JAG2: variants seen among roughly 807,000 people sequenced by gnomAD.
The protein encoded by JAG2 is protein jagged-2.
Under a neutral mutation model 141.7 loss-of-function variants are expected in JAG2, and 46 were observed. That is an observed-to-expected ratio of 0.32 (90% confidence interval 0.26 to 0.42). The LOEUF (loss-of-function observed/expected upper bound fraction) is 0.42. Ranked by LOEUF, JAG2 falls within the 10% of genes least tolerant of loss-of-function variation. The pLI is 1.00. For missense variants in JAG2, 1,500 were observed against 1,817.5 expected, an observed-to-expected ratio of 0.83 and a Z score of 3.18; for synonymous variants, 862 against 763.5, an observed-to-expected ratio of 1.13 and a Z score of -2.13.
At position 105,147,078 on chromosome 14, in the gene JAG2, A is replaced by G. The variant is rs1595174203; in HGVS notation, c.2479+248T>C. ...GAGCCCACGTCAGGCTGCACGCTCC[A>G]ACCCCCACAGCTCCCTGGGCCCCGG... On this transcript the variant is annotated intron_variant, in intron 20 of 25. Coordinates refer to ENST00000331782, the MANE Select transcript of JAG2 (RefSeq NM_002226.5). 1.3e-5 allele frequency: 8 copies of G among 608,874 alleles called. No homozygotes were observed. The East Asian group carries it at 1.9e-4, about 15-fold the overall frequency. 37.7% of individuals were successfully genotyped at this position (608,874 alleles called of 1,614,324 possible).
In JAG2 at chr14:105,151,164, G is replaced by T. The variant is rs1035420737; in HGVS notation, c.1268-60C>A. On this transcript the variant is annotated intron_variant, in intron 9 of 25. Transcript: ENST00000331782. ...GGGCCCTGCCTGCCCCCTGCAGCAC[G>T]GGCACCTGGCACCCGCAGCCCAGCA... is the stretch of plus-strand genomic sequence containing the variant. 2.0e-6 allele frequency: 3 copies of T among 1,535,170 alleles called. No individual in the cohort carries two copies. In the South Asian group the frequency reaches 3.5e-5, roughly 18 times the overall value.
intron 2 of JAG2, among the ~76,000 whole-genome samples, chr14:105,164,913 C>T (rs1301763168): frequency 6.6e-6 from 1 of 152,104 alleles, no homozygotes; most frequent in South Asian, 2.1e-4. Context: ...AGCTGATAGA[C>T]GCAGGGTCAG....
intron 24 of JAG2, 78 bp from the exon 25 acceptor site, chr14:105,143,716 T>C (rs1595171313): frequency 6.4e-7 from 1 of 1,552,286 alleles, no homozygotes; most frequent in East Asian, 2.3e-5. Context: ...ACTGAGGCCC[T>C]GGCCACACTG....
rs148372480 is a variant in JAG2 at position 105,152,282 on chromosome 14, G to A, written c.798C>T (p.Tyr266=). The change falls in exon 6 of 26, where the codon TAC becomes TAT. Residue 266 remains tyrosine (Y), a synonymous_variant. Transcript: ENST00000331782. ...CATCGCAGAACCTCCCTTGCCAGCCGTAGCTGCACCTGGGGGAAGGAGGAG... is the reference window on the plus strand; with the variant it reads ...CATCGCAGAACCTCCCTTGCCAGCCATAGCTGCACCTGGGGGAAGGAGGAG... ...CTVPGECRCS[Y]GWQGRFCDEC... The A allele has an allele frequency of 6.6e-5, 106 of 1,613,126 alleles. 1 individual carries two copies. In the South Asian group the frequency reaches 9.7e-4, roughly 15 times the overall value.
rs1238179652 is a variant in JAG2 at position 105,143,575 on chromosome 14, C to A, written c.3148G>T (p.Val1050Leu). Residue 1050 changes from valine (V) to leucine (L), a missense_variant, in exon 25 of 26, where the codon GTG becomes TTG. Val to Leu is a conservative substitution (Grantham distance 32, BLOSUM62 1). Around this residue, in one of 3 missense-constraint regions of JAG2, gnomAD observed 425 missense variants for 441.0 expected, o/e 0.96. Transcript: ENST00000331782. ...SLIQGAAHAI[V>L]AAITQRGNSS... is the part of the protein sequence containing the mutation. Reference sequence around the variant, plus strand: ...TTCCCCCGCTGGGTGATGGCGGCCACGATGGCGTGGGCCGCGCCCTGGATC... The same window carrying A: ...TTCCCCCGCTGGGTGATGGCGGCCAAGATGGCGTGGGCCGCGCCCTGGATC... 3 of 1,604,690 alleles carry A rather than the reference C, an allele frequency of 1.9e-6. No individual in the cohort carries two copies. Among genetic ancestry groups the A allele is most frequent in the Non-Finnish European group, 2.5e-6 (3 of 1,178,080 alleles).
rs746568324 is a variant in JAG2, at chr14:105,142,746, G to A, written c.3666C>T (p.Asp1222=). The change falls in exon 26 of 26, where the codon GAC becomes GAT. Residue 1222 remains aspartate (D), a synonymous_variant. Transcript: ENST00000331782. ...PAHWASGPKV[D]NRAVRSINEA... is the part of the protein sequence containing the mutation. ...CATTGATGCTCCTGACCGCGCGGTTGTCCACTTTGGGGCCTGAGGCCCAGT... is the reference window on the plus strand; with the variant it reads ...CATTGATGCTCCTGACCGCGCGGTTATCCACTTTGGGGCCTGAGGCCCAGT... 6.2e-7 allele frequency: 1 copy of A among 1,609,862 alleles called. No homozygotes were observed. Among genetic ancestry groups the A allele is most frequent in the Non-Finnish European group, 8.5e-7 (1 of 1,178,702 alleles).
intron 24 of JAG2, 152 bp from the exon 25 acceptor site, chr14:105,143,790 C>T (rs1052501362): frequency 7.2e-6 from 6 of 831,572 alleles, no homozygotes; most frequent in Non-Finnish European, 1.1e-5. Flanking sequence ...CACCACCAGG[C>T]AGTGAGTGGG....
Position 105,167,643 on chromosome 14 carries a change from C to A in JAG2, c.417+114G>T. 8.6e-7 allele frequency: 1 copy of A among 1,159,052 alleles called. No homozygotes were observed. 71.8% of individuals were successfully genotyped at this position (1,159,052 alleles called of 1,614,324 possible). A position where few individuals can be genotyped will look rare whatever the true frequency, so the allele number is the denominator to read the frequency against. On this transcript the variant is annotated intron_variant, in intron 2 of 25. Coordinates refer to ENST00000331782, the MANE Select transcript of JAG2 (RefSeq NM_002226.5). This position sits in a 1 kb window ranked among gnomAD's most constrained non-coding sequence, Gnocchi z 4.8. ...CCCTGCCGGCCCCGCCCCGCCTGGG[C>A]GCGCGCGGCTCGCACGCAGACCCGG...
chr14:105,144,680 G>A (rs587690724), intron 24 of JAG2, among the ~76,000 whole-genome samples: 5 of 152,326 alleles, frequency 3.3e-5, no homozygotes, highest in African/African-American at 9.6e-5. Context: ...GCAGGGGACC[G>A]GGCGAGGATG....
At chr14:105,151,417 TG>T (rs774542117) in intron 8 of JAG2, 21 bp from the exon 9 acceptor site, 2 of 1,602,038 alleles carry the variant, frequency 1.2e-6, no homozygotes, top group South Asian at 2.2e-5. Flanking sequence ...TGGAGAAAGG[TG>T]GGGCCCTGGC....
At chr14:105,168,188 C>A in intron 1 of JAG2, 81 bp from the exon 2 acceptor site, 1 of 1,190,512 alleles carries the variant, frequency 8.4e-7, no homozygotes, top group Non-Finnish European at 1.1e-6. Flanking sequence ...GGGAACAGGC[C>A]CCGCCGCCCC....
In JAG2 at chr14:105,155,613, T is replaced by A. The variant is rs199633637; in HGVS notation, c.737A>T (p.Lys246Ile). The A allele has an allele frequency of 6.2e-7, 1 of 1,612,812 alleles. No homozygotes were observed. The highest frequency in any genetic ancestry group is 8.5e-7 in the Non-Finnish European group (1 of 1,179,960). Residue 246 changes from lysine to isoleucine, a missense_variant, in exon 5 of 26, where the codon AAA becomes ATA. Around this residue, in one of 3 missense-constraint regions of JAG2, gnomAD observed 875 missense variants for 1,202.2 expected, o/e 0.73. Transcript: ENST00000331782. ...CCCGTGGAGCAAATTACACCCTTGTTTACACACAGCTGCGAACAGAGAGGA... is the reference window on the plus strand; with the variant it reads ...CCCGTGGAGCAAATTACACCCTTGTATACACACAGCTGCGAACAGAGAGGA... ...MGKECKEAVC[K>I]QGCNLLHGGC...
intron 2 of JAG2, among the ~76,000 whole-genome samples, chr14:105,160,848 G>C (rs1888726264): frequency 6.6e-6 from 1 of 150,588 alleles, no homozygotes; most frequent in Non-Finnish European, 1.5e-5. Flanking sequence ...GGGCAACGAG[G>C]GCAAAACTCC....
chr14:105,151,481 G>A lies in JAG2; in HGVS notation c.1154-85C>T, dbSNP rs955178477. ...ATGGGCAGGTGGCGCTGCAAGCCTG[G>A]GTCTTCCTGCCATTTGTCCTCGCCA... On this transcript the variant is annotated intron_variant, in intron 8 of 25. Transcript: ENST00000331782. 9 of 1,405,980 alleles carry A rather than the reference G, an allele frequency of 6.4e-6. No homozygotes were observed. In the African/African-American group the frequency reaches 1.1e-4, roughly 18 times the overall value. The allele number at this position is 1,405,980 out of a possible 1,614,324, so 87.1% of individuals were successfully genotyped here. A position where few individuals can be genotyped will look rare whatever the true frequency, so the allele number is the denominator to read the frequency against.
intron 5 of JAG2, among the ~76,000 whole-genome samples, chr14:105,153,617 G>A (rs1430306069): frequency 6.6e-6 from 1 of 152,146 alleles, no homozygotes; most frequent in Non-Finnish European, 1.5e-5. Context: ...GCATCCGGTG[G>A]GGGGGCGTCC....
Position 105,143,658 on chromosome 14 carries a change from T to C in JAG2, c.3085-20A>G. 6.2e-7 allele frequency: 1 copy of C among 1,604,524 alleles called. No individual in the cohort carries two copies. Among genetic ancestry groups the C allele is most frequent in the Non-Finnish European group, 8.5e-7 (1 of 1,179,594 alleles). On this transcript the variant is annotated intron_variant, in intron 24 of 25. Transcript: ENST00000331782. The stretch of plus-strand genomic sequence containing the variant: ...GAAGGACTGCGGCAAAGAACGGCAT[T>C]GTGGGGATGGCTCGAGGGCTCCAGG...
chr14:105,147,084 C>A, intron 20 of JAG2: 1 of 611,940 alleles, frequency 1.6e-6, no homozygotes, highest in South Asian at 1.9e-5. Context: ...CTCCAACCCC[C>A]ACAGCTCCCT....
intron 3 of JAG2, among the ~76,000 whole-genome samples, chr14:105,156,558 A>G (rs1259143065): frequency 2.0e-5 from 3 of 151,506 alleles, no homozygotes; most frequent in African/African-American, 7.3e-5. Context: ...GCCTCACTTT[A>G]AGTAAGCCAC....
rs1402933465 is a variant in JAG2 at position 105,167,526 on chromosome 14, C to A, written c.417+231G>T. 6.8e-6 allele frequency among the ~76,000 whole-genome samples: 1 copy of A among 147,796 alleles called. No individual in the cohort carries two copies. Among genetic ancestry groups the A allele is most frequent in the Non-Finnish European group, 1.5e-5 (1 of 66,360 alleles). ...CCGCCGCGCACGCGGGACGCCGCCG[C>A]CCCGCCCCCGCCGCGACCCCGCTCC... On this transcript the variant is annotated intron_variant, in intron 2 of 25. Transcript: ENST00000331782. The surrounding 1 kb of genome is among the most constrained non-coding windows in gnomAD (Gnocchi z 4.8).
Sources: gnomAD v4.1 joint callset for allele counts (sites outside exome capture counted in the v4.1 genomes callset) on GRCh38, gnomAD v4.1.1 for gene constraint, gnomAD v4.1.1 regional missense constraint, Gnocchi (gnomAD v3.1) non-coding constraint, MANE v1.5 for transcripts, NCBI Gene and HGNC (gene_info 2026-07-23, HGNC 2026-07-21) for gene names.